Variants in WWC1 observed in about 807,000 individuals in gnomAD.
WWC1 encodes the protein protein KIBRA.
In WWC1, 55 loss-of-function variants were observed where a neutral mutation model predicts 138.4. That is an observed-to-expected ratio of 0.40 (90% CI 0.32 to 0.50). WWC1 has a LOEUF of 0.50. Ranked by LOEUF, WWC1 falls within the 20% of genes least tolerant of loss-of-function variation. WWC1 has a pLI of 0.72. For missense variants in WWC1, 1,226 were observed against 1,420.4 expected (o/e 0.86, Z 2.20); for synonymous variants, 524 against 564.9 (o/e 0.93, Z 1.03).
chr5:168,404,101 C>A (rs1779601035), intron 5 of WWC1, among the ~76,000 whole-genome samples: 1 of 152,150 alleles, frequency 6.6e-6, no homozygotes, highest in Non-Finnish European at 1.5e-5. Context: ...CTGTTGGAGG[C>A]CTGGCAGACA....
intron 1 of WWC1, among the ~76,000 whole-genome samples, chr5:168,334,389 CTTGTGCATTA>C (rs1773287575): frequency 1.3e-5 from 2 of 152,314 alleles, no homozygotes; most frequent in South Asian, 4.1e-4. Context: ...ACATTGCAAC[CTTGTGCATTA>C]TAGAGACTTG....
chr5:168,395,122 C>A (rs1271250463), intron 3 of WWC1, among the ~76,000 whole-genome samples: 6 of 152,222 alleles, frequency 3.9e-5, no homozygotes, highest in Non-Finnish European at 7.3e-5. Flanking sequence ...TCAGCCCTGG[C>A]GTGACTGGTC....
chr5:168,430,026 A>G, intron 13 of WWC1, 111 bp from the exon 14 acceptor site: 1 of 774,120 alleles, frequency 1.3e-6, no homozygotes. Context: ...AGAGCTCACC[A>G]TAGGCCCCAG....
intron 17 of WWC1, among the ~76,000 whole-genome samples, chr5:168,446,283 T>C (rs1755259495): frequency 8.0e-6 from 1 of 125,494 alleles, no homozygotes; most frequent in Admixed American, 8.4e-5. Context: ...GTTTCAGCAA[T>C]GTTGAAGACA....
At chr5:168,357,475 TGTGTGTGTGTGTGTGTGTGC>T (rs1362920043) in intron 1 of WWC1, among the ~76,000 whole-genome samples, 20 of 141,498 alleles carry the variant, frequency 1.4e-4, no homozygotes, top group African/African-American at 5.4e-4. Context: ...TGTGTGTGTG[TGTGTGTGTGTGTGTGTGTGC>T]GCGCGCGCAC....
intron 15 of WWC1, among the ~76,000 whole-genome samples, chr5:168,433,825 A>G (rs1185890795): frequency 1.3e-5 from 2 of 152,224 alleles, no homozygotes; most frequent in Non-Finnish European, 2.9e-5. Context: ...GGTGTGAGCC[A>G]CCACCCCAGC....
In WWC1 at chr5:168,428,776, G is replaced by C; in HGVS notation, c.1989G>C (p.Gln663His). ...AAGCAGTGGGTGCGACCCGAATTCA[G>C]ATTGCCCTGAAGTAAGTGACGAGGA... Reference protein sequence around the residue: ...ESEAVGATRIQIALKYDEKNK... With the variant: ...ESEAVGATRIHIALKYDEKNK... The change falls in exon 13 of 23, where the codon CAG (glutamine) becomes CAC (histidine). Residue 663 changes from glutamine (Q) to histidine (H), a missense_variant. This residue lies in a region of WWC1 where 1,016 missense variants were observed against 1,153.9 expected (regional missense o/e 0.88). Transcript: ENST00000265293. 6.2e-7 allele frequency: 1 copy of C among 1,613,884 alleles called. No individual in the cohort carries two copies. Among genetic ancestry groups the C allele is most frequent in the Non-Finnish European group, 8.5e-7 (1 of 1,179,908 alleles).
At chr5:168,293,324 T>C (rs543358290) in intron 1 of WWC1, among the ~76,000 whole-genome samples, 1 of 152,300 alleles carries the variant, frequency 6.6e-6, no homozygotes, top group East Asian at 1.9e-4. Context: ...GTCTGTGACC[T>C]TGGGGGTCAG....
intron 3 of WWC1, among the ~76,000 whole-genome samples, chr5:168,389,117 G>A (rs1365236962): frequency 6.6e-6 from 1 of 152,032 alleles, no homozygotes; most frequent in Non-Finnish European, 1.5e-5. Flanking sequence ...AAAAACTAAA[G>A]TTGGGCACTA....
chr5:168,441,428 G>T (rs1023407757), intron 15 of WWC1, among the ~76,000 whole-genome samples: 2 of 152,076 alleles, frequency 1.3e-5, no homozygotes, highest in African/African-American at 4.8e-5. Flanking sequence ...TTTTATCACA[G>T]TTTTTTTAAT....
At position 168,444,589 on chromosome 5, in the gene WWC1, A is replaced by G; in HGVS notation, c.2525+4A>G. On this transcript the variant is annotated splice_donor_region_variant and intron_variant, in intron 17 of 22. Coordinates refer to ENST00000265293, the MANE Select transcript of WWC1 (RefSeq NM_015238.3). ...CACAGACACTGGAAGACAGCTGGTG[A>G]GTGAGCCCGCCCTTGGGCCCCAGGA... 3 of 1,613,266 alleles carry G rather than the reference A, an allele frequency of 1.9e-6. No individual in the cohort carries two copies. Among genetic ancestry groups the G allele is most frequent in the Non-Finnish European group, 1.7e-6 (2 of 1,179,886 alleles).
At chr5:168,430,397 C>T (rs1013040215) in intron 14 of WWC1, among the ~76,000 whole-genome samples, 174 bp downstream of exon 14, 1 of 152,152 alleles carries the variant, frequency 6.6e-6, no homozygotes, top group Non-Finnish European at 1.5e-5. Flanking sequence ...AATACAGGCA[C>T]AACGGCAAGC....
intron 2 of WWC1, among the ~76,000 whole-genome samples, chr5:168,384,403 A>G (rs1777880563): frequency 6.6e-6 from 1 of 152,236 alleles, no homozygotes. Context: ...TACTTTTTAT[A>G]ATGAATTACT....
At chr5:168,367,576 C>T (rs1776408205) in intron 1 of WWC1, among the ~76,000 whole-genome samples, 2 of 152,080 alleles carry the variant, frequency 1.3e-5, no homozygotes, top group Admixed American at 1.3e-4. Context: ...GCCTCGGCCT[C>T]CCAAAGTGCT....
At position 168,414,117 on chromosome 5, in the gene WWC1, G is replaced by A. The variant is rs143373759; in HGVS notation, c.942-231G>A. On this transcript the variant is annotated intron_variant, in intron 8 of 22. Coordinates refer to ENST00000265293, the MANE Select transcript of WWC1 (RefSeq NM_015238.3). ...GTACCAGGAACAGGGCAAGGACATT[G>A]CCTTGTTCATGTCTGCACCCCATTC... The A allele has an allele frequency of 9.7e-4, 531 of 546,108 alleles. 1 individual carries two copies. Among genetic ancestry groups the A allele is most frequent in the Non-Finnish European group, 1.5e-3 (453 of 309,958 alleles). The allele number at this position is 546,108 out of a possible 1,614,324, so 33.8% of individuals were successfully genotyped here.
intron 1 of WWC1, among the ~76,000 whole-genome samples, chr5:168,298,920 C>T (rs1769807108): frequency 6.6e-6 from 1 of 152,078 alleles, no homozygotes; most frequent in South Asian, 2.1e-4. Flanking sequence ...CACGTCTCTA[C>T]TAAAAATGCA....
intron 3 of WWC1, among the ~76,000 whole-genome samples, chr5:168,388,646 A>G (rs1329388145): frequency 6.6e-6 from 1 of 152,120 alleles, no homozygotes; most frequent in East Asian, 1.9e-4. Flanking sequence ...CCTGGCCAAC[A>G]TGGTAAAATC....
At chr5:168,351,135 ACCT>A (rs1326260677) in intron 1 of WWC1, among the ~76,000 whole-genome samples, 1 of 148,466 alleles carries the variant, frequency 6.7e-6, no homozygotes, top group Non-Finnish European at 1.5e-5. Context: ...CAACAGTGAG[ACCT>A]TGTCTCAAAA....
intron 5 of WWC1, among the ~76,000 whole-genome samples, chr5:168,405,114 A>G (rs1327821591): frequency 6.6e-6 from 1 of 152,030 alleles, no homozygotes; most frequent in African/African-American, 2.4e-5. Context: ...AGAGGAGGAA[A>G]CTGAGGCTCT....
Sources: allele counts gnomAD v4.1 joint callset (sites outside exome capture counted in the v4.1 genomes callset), GRCh38; gene constraint gnomAD v4.1.1; regional missense constraint gnomAD v4.1.1; transcripts MANE v1.5; gene names NCBI Gene and HGNC (gene_info 2026-07-23, HGNC 2026-07-21).